Variants in MERTK observed in about 807,000 individuals in gnomAD.
MERTK encodes the protein tyrosine-protein kinase Mer.
Under a neutral mutation model 99.3 loss-of-function variants are expected in MERTK, and 69 were observed. The observed-to-expected ratio is 0.70, with a 90% CI of 0.57 to 0.85. The LOEUF (loss-of-function observed/expected upper bound fraction) is 0.85. Ranked by LOEUF, MERTK falls within the 40% of genes least tolerant of loss-of-function variation. The pLI is 0.00. For missense variants in MERTK, 1,125 were observed against 1,249.4 expected, an observed-to-expected ratio of 0.90 and a Z score of 1.50; for synonymous variants, 426 against 467.6, an observed-to-expected ratio of 0.91 and a Z score of 1.15.
chr2:111,972,143 G>A (rs1676134937), intron 6 of MERTK, among the ~76,000 whole-genome samples: 1 of 152,168 alleles, frequency 6.6e-6, no homozygotes, highest in Admixed American at 6.5e-5. Context: ...CAATTCTCCT[G>A]CCTCAGCCTC....
At chr2:111,903,370 T>C (rs560396563) in intron 1 of MERTK, among the ~76,000 whole-genome samples, 1 of 152,222 alleles carries the variant, frequency 6.6e-6, no homozygotes, top group Non-Finnish European at 1.5e-5. Flanking sequence ...GTGATGCCAA[T>C]GTGATTTCAT....
At chr2:111,944,686 C>T (rs113746811) in intron 2 of MERTK, among the ~76,000 whole-genome samples, 1 of 152,234 alleles carries the variant, frequency 6.6e-6, no homozygotes, top group Non-Finnish European at 1.5e-5. Flanking sequence ...CTTATAAGGC[C>T]TTCAACTGTT....
chr2:112,025,174 T>C (rs1168402514), intron 18 of MERTK, among the ~76,000 whole-genome samples: 2 of 152,092 alleles, frequency 1.3e-5, no homozygotes, highest in Non-Finnish European at 2.9e-5. Flanking sequence ...TGTGACTGCA[T>C]CTCTTCCTTC....
chr2:111,912,997 A>G, intron 1 of MERTK: 1 of 982,258 alleles, frequency 1.0e-6, no homozygotes, highest in Non-Finnish European at 1.2e-6. Context: ...AATTCCAGTG[A>G]TACACCCTTC....
chr2:111,924,330 C>A (rs1684516299), intron 1 of MERTK, among the ~76,000 whole-genome samples: 1 of 152,216 alleles, frequency 6.6e-6, no homozygotes, highest in Admixed American at 6.5e-5. Context: ...TGAGCCTGAG[C>A]AGCCTCGAGC....
At chr2:111,926,007 AT>A (rs1396925887) in intron 1 of MERTK, among the ~76,000 whole-genome samples, 1 of 151,238 alleles carries the variant, frequency 6.6e-6, no homozygotes, top group African/African-American at 2.4e-5. Context: ...AATTTTTTGT[AT>A]TTTTAGTAGA....
In MERTK at chr2:111,912,313, G is replaced by C. The variant is rs188290726; in HGVS notation, c.61+13517G>C. On this transcript the variant is annotated intron_variant, in intron 1 of 18. Transcript: ENST00000295408. Reference sequence around the variant, plus strand: ...TGAGCCACCACACCCGGCCCCAGTTGCCTCTTAATGGGCATTTAGGTTTTC... The same window carrying C: ...TGAGCCACCACACCCGGCCCCAGTTCCCTCTTAATGGGCATTTAGGTTTTC... 8.5e-5 allele frequency among the ~76,000 whole-genome samples: 13 copies of C among 152,146 alleles called. No homozygotes were observed. In the South Asian group the frequency reaches 2.5e-3, roughly 29 times the overall value.
chr2:111,940,875 AC>A, intron 2 of MERTK: 1 of 746,328 alleles, frequency 1.3e-6, no homozygotes, highest in South Asian at 1.4e-5. Flanking sequence ...CGGGCCAGTC[AC>A]TGCTGTGGAT....
intron 12 of MERTK, 151 bp downstream of exon 12, chr2:112,003,338 C>T (rs1218332843): frequency 3.7e-6 from 2 of 537,436 alleles, no homozygotes; most frequent in East Asian, 6.7e-5. Flanking sequence ...AAATGATAGA[C>T]TATTGATTTT....
Position 111,947,588 on chromosome 2 carries a change from T to A in MERTK, c.757+21T>A, listed in dbSNP as rs201006110. ...TCCAGGTAAGTCCGAGCTGTGGGCT[T>A]ATTGATTTATTCTCTAATAGCGGAC... On this transcript the variant is annotated intron_variant, in intron 4 of 18. Transcript: ENST00000295408. 70 of 1,613,148 alleles carry A rather than the reference T, an allele frequency of 4.3e-5. No homozygotes were observed. In the East Asian group the frequency reaches 1.4e-3, roughly 31 times the overall value.
chr2:111,914,602 T>C (rs1684315392), intron 1 of MERTK, among the ~76,000 whole-genome samples: 1 of 152,102 alleles, frequency 6.6e-6, no homozygotes, highest in Admixed American at 6.6e-5. Context: ...CTTAGAGGGT[T>C]TTTTTTCCCC....
intron 3 of MERTK, among the ~76,000 whole-genome samples, chr2:111,946,305 A>C (rs534765586): frequency 1.3e-5 from 2 of 152,228 alleles, no homozygotes; most frequent in Non-Finnish European, 2.9e-5. Flanking sequence ...TGCCCAGAGC[A>C]GGAACATATT....
chr2:111,986,524 G>A (rs895559501), intron 8 of MERTK, among the ~76,000 whole-genome samples: 1 of 152,214 alleles, frequency 6.6e-6, no homozygotes, highest in Admixed American at 6.5e-5. Context: ...TTCTGGCTTG[G>A]GTGAAAGCTG....
At chr2:112,014,087 T>C (rs1420057363) in intron 15 of MERTK, among the ~76,000 whole-genome samples, 4 of 150,410 alleles carry the variant, frequency 2.7e-5, no homozygotes, top group Non-Finnish European at 4.4e-5. Flanking sequence ...AGTGGCGTGA[T>C]CTCAGCTCAC....
intron 1 of MERTK, among the ~76,000 whole-genome samples, chr2:111,924,132 A>T (rs1169360354): frequency 1.3e-5 from 2 of 152,206 alleles, no homozygotes; most frequent in African/African-American, 4.8e-5. Context: ...GTCCAGCCTC[A>T]GTCCCAACAG....
At chr2:112,009,649 G>A (rs1448339829) in intron 14 of MERTK, among the ~76,000 whole-genome samples, 1 of 151,954 alleles carries the variant, frequency 6.6e-6, no homozygotes, top group Admixed American at 6.6e-5. Flanking sequence ...AATCTTATGG[G>A]GTCACTACCC....
intron 1 of MERTK, among the ~76,000 whole-genome samples, chr2:111,917,412 A>G (rs1218367238): frequency 6.6e-6 from 1 of 152,124 alleles, no homozygotes. Context: ...TGCCTGGAGT[A>G]GAGCAGTTTA....
chr2:112,024,966 A>C (rs1677435067), intron 18 of MERTK: 2 of 154,404 alleles, frequency 1.3e-5, no homozygotes, highest in Admixed American at 1.3e-4. Context: ...CCCAAAAAAC[A>C]AATCTAAAGT....
intron 2 of MERTK, among the ~76,000 whole-genome samples, chr2:111,934,975 T>C (rs557433016): frequency 2.6e-5 from 4 of 152,294 alleles, no homozygotes; most frequent in Admixed American, 2.6e-4. Flanking sequence ...TCCTCACACC[T>C]TCCATTGCTC....
Sources: gnomAD v4.1 joint callset for allele counts (sites outside exome capture counted in the v4.1 genomes callset) on GRCh38, gnomAD v4.1.1 for gene constraint, MANE v1.5 for transcripts, NCBI Gene and HGNC (gene_info 2026-07-23, HGNC 2026-07-21) for gene names.